ABCA6: variants seen among roughly 807,000 people sequenced by gnomAD.
ABCA6 encodes the protein ATP binding cassette subfamily A member 6.
A neutral mutation model predicts 191.2 loss-of-function variants in ABCA6; 164 were observed. The ratio of observed to expected loss-of-function variants is 0.86; its 90% CI spans 0.76 to 0.98. ABCA6 has a LOEUF of 0.98. Among genes scored for constraint, ABCA6 ranks in the 50% least tolerant of loss-of-function variants. ABCA6 has a pLI of 0.00. For synonymous variants in ABCA6, 636 were observed against 647.7 expected (o/e 0.98, Z 0.27); for missense variants, 1,958 against 1,894.1 (o/e 1.03, Z -0.63).
chr17:69,125,082 T>G, intron 8 of ABCA6, 47 bp from the exon 9 acceptor site: 1 of 1,014,704 alleles, frequency 9.9e-7, no homozygotes. Flanking sequence ...AATAAATAAA[T>G]AGCTTGGCAT....
Position 69,136,144 on chromosome 17 carries a change from CT to C in ABCA6, c.407del (p.Lys136SerfsTer2). The C allele has an allele frequency of 6.2e-7, 1 of 1,608,844 alleles. No individual in the cohort carries two copies. The highest frequency in any genetic ancestry group is 8.5e-7 in the Non-Finnish European group (1 of 1,177,204). The stretch of plus-strand genomic sequence containing the variant: ...TGTTATATCCCTGGAAAAATATTAA[CT>C]TATAAGAGAAAGTTTCATTAAAGAT... ...GIIFNETFSY[K>X]LIFFQGYNSP... is the part of the protein sequence containing the mutation. On this transcript the variant is annotated frameshift_variant, in exon 4 of 39. Coordinates refer to ENST00000284425, the MANE Select transcript of ABCA6 (RefSeq NM_080284.3). LOFTEE classifies it high-confidence loss of function.
chr17:69,121,923 G>C (rs1480426634), intron 10 of ABCA6, among the ~76,000 whole-genome samples: 4 of 152,080 alleles, frequency 2.6e-5, no homozygotes, highest in Non-Finnish European at 5.9e-5. Flanking sequence ...AAGCGCTGTT[G>C]CCCCTCTCAG....
chr17:69,105,519 A>G lies in ABCA6; in HGVS notation c.2683T>C (p.Ser895Pro). The part of the protein sequence containing the change: ...WEFKNELYFL[S>P]PGQLPQEPRT... Reference sequence around the variant, plus strand: ...GGTTCCTGGGGAAGTTGTCCAGGAGAGAGAAAATACAATTCGTTTTTAAAT... The same window carrying G: ...GGTTCCTGGGGAAGTTGTCCAGGAGGGAGAAAATACAATTCGTTTTTAAAT... The change falls in exon 20 of 39, where the codon TCT becomes CCT. Residue 895 changes from serine to proline, a missense_variant. By Grantham distance (74) the Ser-to-Pro change is moderately conservative. Transcript: ENST00000284425. 1 of 1,611,360 alleles carries G rather than the reference A, an allele frequency of 6.2e-7. No individual in the cohort carries two copies. Among genetic ancestry groups the G allele is most frequent in the Non-Finnish European group, 8.5e-7 (1 of 1,179,166 alleles).
chr17:69,119,174 G>A (rs1052894161), intron 10 of ABCA6, among the ~76,000 whole-genome samples: 1 of 152,100 alleles, frequency 6.6e-6, no homozygotes, highest in African/African-American at 2.4e-5. Flanking sequence ...TCTTCCAAAT[G>A]AGTCTAATGT....
At chr17:69,135,936 G>A (rs1371290753) in intron 4 of ABCA6, 156 bp downstream of exon 4, 1 of 718,706 alleles carries the variant, frequency 1.4e-6, no homozygotes, top group East Asian at 2.7e-5. Context: ...TCCTGTAGTA[G>A]GAACATACGA....
chr17:69,085,541 G>T, intron 31 of ABCA6, 84 bp downstream of exon 31: 351 of 659,048 alleles, frequency 5.3e-4, no homozygotes, highest in Non-Finnish European at 7.2e-4. Context: ...AAAAAGAAAA[G>T]AAAAATAGTA....
chr17:69,103,227 G>C (rs1174548561), intron 20 of ABCA6, among the ~76,000 whole-genome samples: 1 of 152,010 alleles, frequency 6.6e-6, no homozygotes, highest in Non-Finnish European at 1.5e-5. Context: ...TAATTCTATT[G>C]TATGACTTTT....
chr17:69,134,531 T>G, intron 5 of ABCA6, 108 bp downstream of exon 5: 1 of 757,390 alleles, frequency 1.3e-6, no homozygotes, highest in South Asian at 1.8e-5. Flanking sequence ...CTCAAGTATT[T>G]TGTTGTAGCA....
chr17:69,141,303 T>C (rs1164491091), intron 1 of ABCA6, among the ~76,000 whole-genome samples: 1 of 152,064 alleles, frequency 6.6e-6, no homozygotes, highest in Non-Finnish European at 1.5e-5. Flanking sequence ...GAAACTTGAT[T>C]CTGAGATACA....
rs777360729 is a variant in ABCA6 at position 69,093,564 on chromosome 17, T to C, written c.3409-2302A>G. On this transcript the variant is annotated intron_variant, in intron 25 of 38. Coordinates refer to ENST00000284425, the MANE Select transcript of ABCA6 (RefSeq NM_080284.3). Reference sequence around the variant, plus strand: ...TGCAAACCTGCTTCCTGCTTCAAGTTTTTCCCGCCCCAAAATGCTTAAAAG... The same window carrying C: ...TGCAAACCTGCTTCCTGCTTCAAGTCTTTCCCGCCCCAAAATGCTTAAAAG... Among the ~76,000 whole-genome samples the C allele has an allele frequency of 4.7e-4, 71 of 152,200 alleles. 1 individual carries two copies. The highest frequency in any genetic ancestry group is 4.6e-4 in the Admixed American group (7 of 15,280).
intron 29 of ABCA6, 73 bp from the exon 30 acceptor site, chr17:69,086,808 C>T: frequency 1.8e-5 from 18 of 980,184 alleles, no homozygotes; most frequent in Non-Finnish European, 2.6e-5. Context: ...CCTTTCATGC[C>T]TTATGTCATA....
At chr17:69,123,611 T>C (rs1460015015) in intron 9 of ABCA6, among the ~76,000 whole-genome samples, 1 of 151,956 alleles carries the variant, frequency 6.6e-6, no homozygotes, top group African/African-American at 2.4e-5. Context: ...ATTGCAAAAT[T>C]AAACAATATA....
At chr17:69,117,784 ATTC>A (rs559276638) in intron 11 of ABCA6, 111 bp downstream of exon 11, 227 of 709,052 alleles carry the variant, frequency 3.2e-4, no homozygotes, top group Non-Finnish European at 4.7e-4. Context: ...CGTTATTTAT[ATTC>A]TTTTTTCTTT....
At position 69,079,084 on chromosome 17, in the gene ABCA6, A is replaced by G; in HGVS notation, c.4753-10T>C. Reference sequence around the variant, plus strand: ...AAAGCTCTAAGAATACCTAATTAGGAGACAAAGAAGAAGGAAAGAAGGAAG... The same window carrying G: ...AAAGCTCTAAGAATACCTAATTAGGGGACAAAGAAGAAGGAAAGAAGGAAG... On this transcript the variant is annotated splice_polypyrimidine_tract_variant and intron_variant, in intron 38 of 38. Transcript: ENST00000284425. 6.3e-7 allele frequency: 1 copy of G among 1,587,552 alleles called. No homozygotes were observed. Among genetic ancestry groups the G allele is most frequent in the Non-Finnish European group, 8.6e-7 (1 of 1,161,004 alleles).
chr17:69,081,084 A>G lies in ABCA6; in HGVS notation c.4678T>C (p.Phe1560Leu), dbSNP rs750446433. 1 of 1,600,300 alleles carries G rather than the reference A, an allele frequency of 6.2e-7. No homozygotes were observed. The highest frequency in any genetic ancestry group is 8.5e-7 in the Non-Finnish European group (1 of 1,173,198). Residue 1560 changes from phenylalanine (F) to leucine (L), a missense_variant, in exon 37 of 39, where the codon TTT becomes CTT. Transcript: ENST00000284425. ...VADVYPLSQT[F>L]HKLEAVKHNF... is the part of the protein sequence containing the mutation. Reference sequence around the variant, plus strand: ...CTCTTACCTGCTTCTAATTTGTGAAAGGTCTGTGATAGAGGGTAAACGTCT... The same window carrying G: ...CTCTTACCTGCTTCTAATTTGTGAAGGGTCTGTGATAGAGGGTAAACGTCT...
intron 15 of ABCA6, 57 bp downstream of exon 15, chr17:69,113,165 T>C (rs2073463555): frequency 1.9e-6 from 3 of 1,557,684 alleles, no homozygotes; most frequent in Non-Finnish European, 2.6e-6. Context: ...GGAATAGACC[T>C]CGCTTCTAAA....
chr17:69,135,800 T>C (rs961113572), intron 4 of ABCA6: 15 of 444,446 alleles, frequency 3.4e-5, no homozygotes, highest in Non-Finnish European at 5.1e-5. Flanking sequence ...TGTCTGTCTT[T>C]GCTGCTAACC....
At chr17:69,118,951 C>G (rs1354323167) in intron 10 of ABCA6, among the ~76,000 whole-genome samples, 1 of 152,020 alleles carries the variant, frequency 6.6e-6, no homozygotes, top group African/African-American at 2.4e-5. Context: ...CACACACACA[C>G]AGACACACAG....
chr17:69,118,105 C>T (rs1367540204), intron 10 of ABCA6, 149 bp from the exon 11 acceptor site: 26 of 484,324 alleles, frequency 5.4e-5, no homozygotes, highest in East Asian at 3.4e-5. Context: ...AAGAAAAAAC[C>T]CTATTTTTGA....
Sources: allele counts gnomAD v4.1 joint callset (sites outside exome capture counted in the v4.1 genomes callset), GRCh38; gene constraint gnomAD v4.1.1; transcripts MANE v1.5; gene names NCBI Gene and HGNC (gene_info 2026-07-23, HGNC 2026-07-21).